The following UBASH3B variants were observed in gnomAD, a reference collection of about 807,000 sequenced individuals.
UBASH3B encodes ubiquitin associated and SH3 domain containing B, also known as ubiquitin-associated and SH3 domain-containing protein B.
A neutral mutation model predicts 83.4 loss-of-function variants in UBASH3B; 37 were observed. The ratio of observed to expected loss-of-function variants is 0.44; its 90% CI spans 0.34 to 0.58. UBASH3B has a LOEUF of 0.58. Ranked by LOEUF, UBASH3B falls within the 20% of genes least tolerant of loss-of-function variation. The pLI, the probability that UBASH3B is intolerant of heterozygous loss-of-function variation, is 0.01. For missense variants in UBASH3B, 657 were observed against 827.2 expected, an observed-to-expected ratio of 0.79 and a Z score of 2.52; for synonymous variants, 304 against 318.3, an observed-to-expected ratio of 0.96 and a Z score of 0.48.
intron 11 of UBASH3B, among the ~76,000 whole-genome samples, chr11:122,801,681 C>G (rs75096251): frequency 0.013 from 1,909 of 152,260 alleles, 55 homozygotes; most frequent in African/African-American, 0.044. Flanking sequence ...ATGATGATGT[C>G]TTGTCTTACA....
intron 1 of UBASH3B, among the ~76,000 whole-genome samples, chr11:122,721,440 T>G (rs1167319265): frequency 6.6e-6 from 1 of 151,934 alleles, no homozygotes; most frequent in Non-Finnish European, 1.5e-5. Flanking sequence ...TAAATTGCTT[T>G]CCCGTATGAT....
intron 1 of UBASH3B, among the ~76,000 whole-genome samples, chr11:122,691,631 C>T (rs1012558566): frequency 5.3e-5 from 8 of 152,188 alleles, no homozygotes; most frequent in African/African-American, 1.9e-4. Flanking sequence ...TTCAAAGATA[C>T]CAGTTCATCT....
intron 1 of UBASH3B, among the ~76,000 whole-genome samples, chr11:122,672,022 T>C (rs1045418601): frequency 4.6e-5 from 7 of 151,988 alleles, no homozygotes; most frequent in African/African-American, 1.7e-4. Flanking sequence ...GGGCTACCGA[T>C]GTTTAGTCTG....
Position 122,806,483 on chromosome 11 carries a change from A to G in UBASH3B, c.1669A>G (p.Thr557Ala). The change falls in exon 12 of 14, where the codon ACA (threonine) becomes GCA (alanine). Residue 557 changes from threonine to alanine, a missense_variant. By Grantham distance (58) the Thr-to-Ala change is moderately conservative. Coordinates refer to ENST00000284273, the MANE Select transcript of UBASH3B (RefSeq NM_032873.5). This position sits in a 1 kb window ranked among gnomAD's most constrained non-coding sequence, Gnocchi z 4.0. ...TTATATCAGTAGAAGTTTCCAAGTA[A>G]CAAAAGAAATAATAAGTGAATGTAA... ...DTYISRSFQV[T>A]KEIISECKSK... is the part of the protein sequence containing the mutation. The G allele has an allele frequency of 4.4e-6, 7 of 1,606,922 alleles. 1 individual carries two copies. The highest frequency in any genetic ancestry group is 5.9e-6 in the Non-Finnish European group (7 of 1,177,362).
At chr11:122,656,280 G>C in intron 1 of UBASH3B, 70 bp downstream of exon 1, 1 of 1,290,510 alleles carries the variant, frequency 7.7e-7, no homozygotes, top group Non-Finnish European at 9.9e-7. Flanking sequence ...CTTCGCTCCG[G>C]CTCGCCTCCC....
chr11:122,699,631 G>A (rs1022657241), intron 1 of UBASH3B, among the ~76,000 whole-genome samples: 1 of 146,776 alleles, frequency 6.8e-6, no homozygotes, highest in Non-Finnish European at 1.5e-5. Context: ...CCACCAGGCT[G>A]TAGTGCAGTG....
At position 122,811,179 on chromosome 11, in the gene UBASH3B, A is replaced by G. The variant is rs1403314690; in HGVS notation, c.*1293A>G. ...CAATCAAACCAAATCATCAGTTATC[A>G]ATGTCTGTTTAATTGTGTGACTATC... On this transcript the variant is annotated 3_prime_UTR_variant, in exon 14 of 14. Coordinates refer to ENST00000284273, the MANE Select transcript of UBASH3B (RefSeq NM_032873.5). 1 of 152,642 alleles carries G rather than the reference A, an allele frequency of 6.6e-6. No individual in the cohort carries two copies. The highest frequency in any genetic ancestry group is 1.5e-5 in the Non-Finnish European group (1 of 68,048). The allele number at this position is 152,642 out of a possible 1,614,324, so 9.5% of individuals were successfully genotyped here.
intron 1 of UBASH3B, among the ~76,000 whole-genome samples, chr11:122,661,919 T>C (rs1455294289): frequency 2.6e-5 from 4 of 151,178 alleles, no homozygotes; most frequent in Non-Finnish European, 5.9e-5. Context: ...TTTTTTTTTT[T>C]TTTTGAGACA....
intron 1 of UBASH3B, among the ~76,000 whole-genome samples, chr11:122,705,866 A>G (rs944547682): frequency 6.6e-6 from 1 of 152,096 alleles, no homozygotes; most frequent in African/African-American, 2.4e-5. Flanking sequence ...CTCTGACTAA[A>G]TCAATCCGCA....
At chr11:122,783,788 TGA>T (rs367690766) in intron 5 of UBASH3B, among the ~76,000 whole-genome samples, 1 of 152,244 alleles carries the variant, frequency 6.6e-6, no homozygotes, top group Non-Finnish European at 1.5e-5. Context: ...TCACCTCTTG[TGA>T]GAGTTTCTGC....
intron 4 of UBASH3B, among the ~76,000 whole-genome samples, chr11:122,780,238 G>A (rs1334233695): frequency 6.6e-6 from 1 of 152,164 alleles, no homozygotes; most frequent in Non-Finnish European, 1.5e-5. Flanking sequence ...AGCCCCAAGA[G>A]TCTGTCTAAA....
intron 1 of UBASH3B, among the ~76,000 whole-genome samples, chr11:122,711,093 T>G (rs1864184939): frequency 6.6e-6 from 1 of 152,192 alleles, no homozygotes; most frequent in Admixed American, 6.5e-5. Context: ...GAAGGAAGCC[T>G]GGGCTCTCCT....
At chr11:122,803,691 G>A (rs1170888506) in intron 11 of UBASH3B, among the ~76,000 whole-genome samples, 2 of 152,178 alleles carry the variant, frequency 1.3e-5, no homozygotes, top group South Asian at 2.1e-4. Context: ...GATCTGGAGT[G>A]TTGGAGGGGA....
intron 1 of UBASH3B, among the ~76,000 whole-genome samples, chr11:122,762,178 G>A (rs552312111): frequency 1.3e-5 from 2 of 152,214 alleles, no homozygotes; most frequent in Admixed American, 6.5e-5. Context: ...TGGAATCACC[G>A]TGCCCCTGGC....
rs148113948 is a variant in UBASH3B, at chr11:122,801,289, T to G, written c.1552T>G (p.Ser518Ala). Residue 518 changes from serine (S) to alanine (A), a missense_variant, in exon 11 of 14, where the codon TCA (serine) becomes GCA (alanine). This residue lies in a region of UBASH3B where 573 missense variants were observed against 739.0 expected (regional missense o/e 0.78). Coordinates refer to ENST00000284273, the MANE Select transcript of UBASH3B (RefSeq NM_032873.5). ...CACATTACCTGCATGGATACCTCCA[T>G]CAGAGTTAGCTGCAGCCAACCTGAG... The part of the protein sequence containing the change: ...GSTLPAWIPP[S>A]ELAAANLSVD... 2 of 1,614,090 alleles carry G rather than the reference T, an allele frequency of 1.2e-6. No homozygotes were observed. The highest frequency in any genetic ancestry group is 2.7e-5 in the African/African-American group (2 of 74,934).
chr11:122,773,695 C>G (rs1860685626), intron 1 of UBASH3B, among the ~76,000 whole-genome samples: 1 of 152,178 alleles, frequency 6.6e-6, no homozygotes, highest in Admixed American at 6.5e-5. Flanking sequence ...TCATCATCAT[C>G]TCATCACCCA....
intron 1 of UBASH3B, among the ~76,000 whole-genome samples, chr11:122,706,106 C>CTTTTTTTTTT (rs36055058): frequency 4.7e-5 from 6 of 127,024 alleles, no homozygotes; most frequent in South Asian, 2.5e-4. Context: ...TCTTTTCTTT[C>CTTTTTTTTTT]TTTTTTTTTT....
chr11:122,735,601 G>T (rs1860918682), intron 1 of UBASH3B, among the ~76,000 whole-genome samples: 1 of 152,214 alleles, frequency 6.6e-6, no homozygotes, highest in Non-Finnish European at 1.5e-5. Context: ...CACAGTGTGG[G>T]AAATGCCCAG....
intron 1 of UBASH3B, among the ~76,000 whole-genome samples, chr11:122,684,514 T>C (rs1250587079): frequency 1.3e-5 from 2 of 152,186 alleles, no homozygotes; most frequent in Non-Finnish European, 2.9e-5. Context: ...TTATGAAGGA[T>C]GAGGTATCAA....
Sources: allele counts gnomAD v4.1 joint callset (sites outside exome capture counted in the v4.1 genomes callset), GRCh38; gene constraint gnomAD v4.1.1; regional missense constraint gnomAD v4.1.1; non-coding constraint Gnocchi (gnomAD v3.1); transcripts MANE v1.5; gene names NCBI Gene and HGNC (gene_info 2026-07-23, HGNC 2026-07-21).